Variants in GRID2 observed in about 807,000 individuals in gnomAD.
GRID2 encodes the protein glutamate receptor ionotropic, delta-2.
Under a neutral mutation model 114.8 loss-of-function variants are expected in GRID2, and 33 were observed. That is an observed-to-expected ratio of 0.29 (90% confidence interval 0.22 to 0.38). GRID2 has a LOEUF of 0.38. GRID2 is among the 10% of genes least tolerant of loss of function. GRID2 has a pLI of 1.00. For synonymous variants in GRID2, 505 were observed against 449.9 expected, an observed-to-expected ratio of 1.12 and a Z score of -1.55; for missense variants, 1,184 against 1,257.7, an observed-to-expected ratio of 0.94 and a Z score of 0.89.
chr4:92,704,701 ATC>A (rs778705188), intron 2 of GRID2, among the ~76,000 whole-genome samples: 40 of 113,516 alleles, frequency 3.5e-4, no homozygotes, highest in Admixed American at 6.5e-4. Flanking sequence ...CAATCAATCA[ATC>A]TCTCTCTCTC....
chr4:93,752,960 A>G (rs1049616809), intron 14 of GRID2, among the ~76,000 whole-genome samples: 4 of 152,142 alleles, frequency 2.6e-5, no homozygotes, highest in Admixed American at 1.3e-4. Flanking sequence ...TATGGATCAT[A>G]CCCTGACTTA....
chr4:92,336,420 T>G (rs916964613), intron 1 of GRID2, among the ~76,000 whole-genome samples: 4 of 152,096 alleles, frequency 2.6e-5, no homozygotes, highest in Non-Finnish European at 5.9e-5. Context: ...TGTCCATTCC[T>G]CCACATTTCT....
chr4:93,066,070 A>AG (rs1486813211), intron 2 of GRID2, among the ~76,000 whole-genome samples: 4 of 151,846 alleles, frequency 2.6e-5, no homozygotes, highest in African/African-American at 9.7e-5. Context: ...ACTTCCCTGA[A>AG]GTTACACTGC....
intron 3 of GRID2, among the ~76,000 whole-genome samples, chr4:93,104,266 A>C (rs990343793): frequency 1.3e-5 from 2 of 152,188 alleles, no homozygotes; most frequent in Admixed American, 1.3e-4. Flanking sequence ...AATTACCACA[A>C]ATTTAGAGGC....
At chr4:93,027,824 A>G (rs1724021620) in intron 2 of GRID2, among the ~76,000 whole-genome samples, 1 of 152,142 alleles carries the variant, frequency 6.6e-6, no homozygotes, top group African/African-American at 2.4e-5. Context: ...CAGGTTGTTA[A>G]TATAAAAGTT....
At chr4:93,412,831 G>A (rs933256733) in intron 9 of GRID2, among the ~76,000 whole-genome samples, 17 of 152,140 alleles carry the variant, frequency 1.1e-4, no homozygotes, top group South Asian at 2.1e-4. Context: ...CCACTTATGA[G>A]TGAGAACATG....
chr4:92,634,780 A>G (rs537760122), intron 2 of GRID2, among the ~76,000 whole-genome samples: 3 of 141,168 alleles, frequency 2.1e-5, no homozygotes, highest in African/African-American at 7.9e-5. Context: ...TGCAGGCCAT[A>G]CTGAAAAGTC....
chr4:93,560,568 C>T (rs900864049), intron 13 of GRID2, among the ~76,000 whole-genome samples: 2 of 152,150 alleles, frequency 1.3e-5, no homozygotes, highest in Admixed American at 1.3e-4. Flanking sequence ...CGACCAGGCC[C>T]CACCTTAAAC....
intron 2 of GRID2, among the ~76,000 whole-genome samples, chr4:92,738,035 G>A (rs1441328426): frequency 2.0e-5 from 3 of 151,962 alleles, no homozygotes; most frequent in South Asian, 4.1e-4. Context: ...CACATTTTTG[G>A]CCAAGTTTTT....
intron 8 of GRID2, among the ~76,000 whole-genome samples, chr4:93,331,389 G>A (rs528358359): frequency 8.6e-5 from 13 of 151,810 alleles, no homozygotes; most frequent in Admixed American, 2.0e-4. Context: ...TCTTGGTAAC[G>A]TGGACCCAGA....
At chr4:93,189,044 A>G (rs1267302197) in intron 4 of GRID2, among the ~76,000 whole-genome samples, 1 of 152,132 alleles carries the variant, frequency 6.6e-6, no homozygotes, top group Non-Finnish European at 1.5e-5. Flanking sequence ...ACCCCATTTT[A>G]TGGTAAATTC....
At chr4:92,808,466 T>G (rs1393353987) in intron 2 of GRID2, among the ~76,000 whole-genome samples, 1 of 152,094 alleles carries the variant, frequency 6.6e-6, no homozygotes, top group Non-Finnish European at 1.5e-5. Flanking sequence ...TCACCAGAAT[T>G]ATTTTAGATT....
At chr4:93,660,935 G>C (rs1274068265) in intron 14 of GRID2, among the ~76,000 whole-genome samples, 1 of 152,028 alleles carries the variant, frequency 6.6e-6, no homozygotes, top group Non-Finnish European at 1.5e-5. Flanking sequence ...CTGCCCCAGA[G>C]GGAGATATTA....
chr4:92,987,233 A>T (rs994359079), intron 2 of GRID2, among the ~76,000 whole-genome samples: 1 of 152,154 alleles, frequency 6.6e-6, no homozygotes, highest in Non-Finnish European at 1.5e-5. Flanking sequence ...ATTTTTTTTT[A>T]GTAATGGGAA....
intron 1 of GRID2, among the ~76,000 whole-genome samples, chr4:92,475,060 G>A (rs1048020709): frequency 1.3e-5 from 2 of 149,476 alleles, no homozygotes; most frequent in African/African-American, 4.9e-5. Context: ...CATGGCACAT[G>A]TATACATATG....
At chr4:93,519,424 C>T (rs931654091) in intron 13 of GRID2, among the ~76,000 whole-genome samples, 2 of 151,996 alleles carry the variant, frequency 1.3e-5, no homozygotes, top group African/African-American at 4.8e-5. Flanking sequence ...GCATTAGCAC[C>T]TTAGTGGAAT....
At chr4:93,800,075 G>A (rs954144449) in intron 1 of GRID2, among the ~76,000 whole-genome samples, 6 of 152,300 alleles carry the variant, frequency 3.9e-5, no homozygotes, top group African/African-American at 1.4e-4. Context: ...GTAGGAGTTG[G>A]TCTAATACCT....
chr4:93,153,694 T>C (rs1579132677), intron 4 of GRID2, among the ~76,000 whole-genome samples: 5 of 152,212 alleles, frequency 3.3e-5, no homozygotes, highest in Admixed American at 3.3e-4. Flanking sequence ...AGTGAATTAC[T>C]GACTCAATGC....
intron 2 of GRID2, among the ~76,000 whole-genome samples, chr4:92,740,071 T>C (rs1003408273): frequency 1.3e-5 from 2 of 152,196 alleles, no homozygotes; most frequent in African/African-American, 2.4e-5. Context: ...TCAGTTTCAA[T>C]AGCATTTTCC....
Sources: gnomAD v4.1 joint callset for allele counts (sites outside exome capture counted in the v4.1 genomes callset) on GRCh38, gnomAD v4.1.1 for gene constraint, MANE v1.5 for transcripts, NCBI Gene and HGNC (gene_info 2026-07-23, HGNC 2026-07-21) for gene names.